Variants in PER1 observed in about 807,000 individuals in gnomAD.
The protein encoded by PER1 is period circadian protein homolog 1.
A neutral mutation model predicts 125.9 loss-of-function variants in PER1; 87 were observed. That is an observed-to-expected ratio of 0.69 (90% CI 0.58 to 0.83). The LOEUF is 0.83. PER1 is among the 40% of genes least tolerant of loss of function. PER1 has a pLI of 0.00. For synonymous variants in PER1, 801 were observed against 714.7 expected, an observed-to-expected ratio of 1.12 and a Z score of -1.93; for missense variants, 1,775 against 1,722.8, an observed-to-expected ratio of 1.03 and a Z score of -0.54.
intron 21 of PER1, 40 bp from the exon 22 acceptor site, chr17:8,141,995 A>G (rs1568022994): frequency 3.1e-6 from 5 of 1,611,036 alleles, no homozygotes; most frequent in Non-Finnish European, 4.2e-6. Context: ...GCTGGGATCC[A>G]GGACCCGGAC....
In PER1 at chr17:8,148,643, C is replaced by G; in HGVS notation, c.1048+1G>C. 6.2e-7 allele frequency: 1 copy of G among 1,601,748 alleles called. No individual in the cohort carries two copies. Among genetic ancestry groups the G allele is most frequent in the Non-Finnish European group, 8.5e-7 (1 of 1,175,416 alleles). On this transcript the variant is annotated splice_donor_variant, in intron 8 of 22. Coordinates refer to ENST00000317276, the MANE Select transcript of PER1 (RefSeq NM_002616.3). LOFTEE classifies it high-confidence loss of function. ...CCAGGCCAGGGCCCTGACCTGCCCA[C>G]CTTCGTAACCCGAATGGATGCGCTC... is the stretch of plus-strand genomic sequence containing the variant.
Position 8,146,228 on chromosome 17 carries a change from T to C in PER1, c.2039-91A>G, listed in dbSNP as rs546141734. The C allele has an allele frequency of 3.4e-5, 52 of 1,529,430 alleles. No homozygotes were observed. In the South Asian group the frequency reaches 6.3e-4, roughly 19 times the overall value. 94.7% of individuals were successfully genotyped at this position (1,529,430 alleles called of 1,614,324 possible). Reference sequence around the variant, plus strand: ...AGGGAAAAGGGGAAGGGGATGGTGGTAGGGAACAGAGGGAACAGTCTGGAG... The same window carrying C: ...AGGGAAAAGGGGAAGGGGATGGTGGCAGGGAACAGAGGGAACAGTCTGGAG... On this transcript the variant is annotated intron_variant, in intron 16 of 22. Coordinates refer to ENST00000317276, the MANE Select transcript of PER1 (RefSeq NM_002616.3).
chr17:8,149,055 G>GAT, intron 7 of PER1: 2 of 616,874 alleles, frequency 3.2e-6, no homozygotes, highest in South Asian at 3.8e-5. Context: ...TGGGCGTGGT[G>GAT]GCGCATGCCT....
chr17:8,149,533 T>C lies in PER1; in HGVS notation c.782A>G (p.Gln261Arg). The C allele has an allele frequency of 6.2e-7, 1 of 1,613,798 alleles. No homozygotes were observed. The highest frequency in any genetic ancestry group is 8.5e-7 in the Non-Finnish European group (1 of 1,179,956). Reference sequence around the variant, plus strand: ...GGAACCATAGAAGACTCCCACATCCTGGGGAGCCAGGAGCTCAGAGAAGCG... The same window carrying C: ...GGAACCATAGAAGACTCCCACATCCCGGGGAGCCAGGAGCTCAGAGAAGCG... Reference protein sequence around the residue: ...GTRFSELLAPQDVGVFYGSTA... With the variant: ...GTRFSELLAPRDVGVFYGSTA... Residue 261 changes from glutamine (Q) to arginine (R), a missense_variant, in exon 6 of 23, where the codon CAG becomes CGG. Transcript: ENST00000317276.
intron 1 of PER1, among the ~76,000 whole-genome samples, chr17:8,151,251 C>T (rs1982845244): frequency 6.6e-6 from 1 of 152,260 alleles, no homozygotes; most frequent in Non-Finnish European, 1.5e-5. Context: ...GTGCCACCCC[C>T]GCTGCACATG....
chr17:8,147,830 G>C lies in PER1; in HGVS notation c.1235-3C>G. 1 of 1,613,746 alleles carries C rather than the reference G, an allele frequency of 6.2e-7. No homozygotes were observed. Among genetic ancestry groups the C allele is most frequent in the Non-Finnish European group, 8.5e-7 (1 of 1,179,962 alleles). ...GGGCTGGCCCGCCAACTGCAGAACT[G>C]ATGGAAGTGGGAAAGGAGGAGCGGT... On this transcript the variant is annotated splice_region_variant and splice_polypyrimidine_tract_variant and intron_variant, in intron 10 of 22. Transcript: ENST00000317276.
chr17:8,147,638 AT>A, intron 11 of PER1, 35 bp downstream of exon 11: 1 of 1,613,706 alleles, frequency 6.2e-7, no homozygotes, highest in Non-Finnish European at 8.5e-7. Flanking sequence ...GCACTGCCCT[AT>A]CCCCAACGCC....
In PER1 at chr17:8,148,521, T is replaced by C. The variant is rs2151861281; in HGVS notation, c.1048+123A>G. On this transcript the variant is annotated intron_variant, in intron 8 of 22. Coordinates refer to ENST00000317276, the MANE Select transcript of PER1 (RefSeq NM_002616.3). ...TAAGAGGAGCTCAAATCCTCATCTT[T>C]ACAATAGCTTTTCTTGTTCCAAAAT... is the stretch of plus-strand genomic sequence containing the variant. 3.2e-6 allele frequency: 4 copies of C among 1,256,700 alleles called. No individual in the cohort carries two copies. In the South Asian group the frequency reaches 5.9e-5, roughly 18 times the overall value. The allele number at this position is 1,256,700 out of a possible 1,614,324, so 77.8% of individuals were successfully genotyped here. A position where few individuals can be genotyped will look rare whatever the true frequency, so the allele number is the denominator to read the frequency against.
chr17:8,143,426 G>A lies in PER1; in HGVS notation c.2912C>T (p.Ser971Phe). 1 of 1,613,076 alleles carries A rather than the reference G, an allele frequency of 6.2e-7. No individual in the cohort carries two copies. The highest frequency in any genetic ancestry group is 1.1e-5 in the South Asian group (1 of 90,914). The change falls in exon 19 of 23, where the codon TCT becomes TTT. Residue 971 changes from serine (S) to phenylalanine (F), a missense_variant. By Grantham distance (155) the Ser-to-Phe change is radical (BLOSUM62 -2). Transcript: ENST00000317276. The stretch of plus-strand genomic sequence containing the variant: ...GCTGCATCTCGAGTTGAACAGTGGA[G>A]AGTCCGGGCGGTGAGGAGGACTCGG... ...LAPSPPHRPD[S>F]PLFNSRCSSP...
Position 8,142,665 on chromosome 17 carries a change from G to A in PER1, c.3243C>T (p.Thr1081=). ...SGSGSHEGGS[T]SASITRSSQS... Reference sequence around the variant, plus strand: ...GGTACTCACGAGTGATGCTGGCTGAGGTGCTGCCCCCTTCATGGGAGCCTG... The same window carrying A: ...GGTACTCACGAGTGATGCTGGCTGAAGTGCTGCCCCCTTCATGGGAGCCTG... The change falls in exon 20 of 23, where the codon ACC becomes ACT. Residue 1081 remains threonine (T), a synonymous_variant. Transcript: ENST00000317276. 1.2e-6 allele frequency: 2 copies of A among 1,613,982 alleles called. No individual in the cohort carries two copies. Among genetic ancestry groups the A allele is most frequent in the Non-Finnish European group, 1.7e-6 (2 of 1,180,000 alleles).
At chr17:8,146,280 G>A in intron 16 of PER1, 92 bp downstream of exon 16, 1 of 1,531,978 alleles carries the variant, frequency 6.5e-7, no homozygotes, top group East Asian at 2.3e-5. Flanking sequence ...GGAGAGCAGG[G>A]CAGAGCAAGA....
At chr17:8,147,208 G>A (rs762482163) in intron 13 of PER1, 42 bp downstream of exon 13, 7 of 1,570,732 alleles carry the variant, frequency 4.5e-6, no homozygotes, top group South Asian at 2.3e-5. Flanking sequence ...GAAGGAGAGG[G>A]GAAAGGGCGA....
Position 8,147,662 on chromosome 17 carries a change from T to C in PER1, c.1388+12A>G, listed in dbSNP as rs755809983. ...TATCCCCAACGCCAGCTCGGGGGCA[T>C]GGCCCACTTACGTGCGTACTTTGTG... is the stretch of plus-strand genomic sequence containing the variant. On this transcript the variant is annotated intron_variant, in intron 11 of 22. Transcript: ENST00000317276. The C allele has an allele frequency of 7.4e-6, 12 of 1,613,782 alleles. No homozygotes were observed. Among genetic ancestry groups the C allele is most frequent in the African/African-American group, 1.3e-5 (1 of 74,916 alleles).
Position 8,150,555 on chromosome 17 carries a change from C to T in PER1, c.152G>A (p.Gly51Asp), listed in dbSNP as rs148151429. ...CCCGTTGGACTCATTGCCACTTGAA[C>T]CATTGCTGTTGGCATCGGTGTCATC... is the stretch of plus-strand genomic sequence containing the variant. Reference protein sequence around the residue: ...LADDTDANSNGSSGNESNGHE... With the variant: ...LADDTDANSNDSSGNESNGHE... Residue 51 changes from glycine (G) to aspartate (D), a missense_variant, in exon 2 of 23, where the codon GGT (glycine) becomes GAT (aspartate). Physicochemically the swap from Gly to Asp is moderately conservative, Grantham distance 94. Transcript: ENST00000317276. 1 of 1,614,138 alleles carries T rather than the reference C, an allele frequency of 6.2e-7. No homozygotes were observed. Among genetic ancestry groups the T allele is most frequent in the African/African-American group, 1.3e-5 (1 of 75,050 alleles).
At chr17:8,144,157 G>T in intron 18 of PER1, 1 of 483,598 alleles carries the variant, frequency 2.1e-6, no homozygotes. Context: ...GCTGGCAGAT[G>T]GAGGAAGCAG....
Position 8,150,690 on chromosome 17 carries a change from T to A in PER1, c.17A>T (p.Glu6Val). 1 of 1,565,942 alleles carries A rather than the reference T, an allele frequency of 6.4e-7. No individual in the cohort carries two copies. The highest frequency in any genetic ancestry group is 1.2e-5 in the South Asian group (1 of 84,694). The change falls in exon 2 of 23, where the codon GAA becomes GTA. Residue 6 changes from glutamate (E) to valine (V), a missense_variant. Coordinates refer to ENST00000317276, the MANE Select transcript of PER1 (RefSeq NM_002616.3). The stretch of plus-strand genomic sequence containing the variant: ...GGGGTCCCCTCCCCCATCAGCCCCT[T>A]CTAGGGGGCCACTCATGTCTGGGCC... MSGPL[E>V]GADGGGDPRP...
In PER1 at chr17:8,151,446, G is replaced by C. The variant is rs554379207; in HGVS notation, c.-139-601C>G. Reference sequence around the variant, plus strand: ...ACTCTCACACTGGTGGGCGCGGCCGGGGGGGTCACGCATCCCTTACATATC... The same window carrying C: ...ACTCTCACACTGGTGGGCGCGGCCGCGGGGGTCACGCATCCCTTACATATC... On this transcript the variant is annotated intron_variant, in intron 1 of 22. Coordinates refer to ENST00000317276, the MANE Select transcript of PER1 (RefSeq NM_002616.3). 1.3e-4 allele frequency among the ~76,000 whole-genome samples: 20 copies of C among 152,220 alleles called. No individual in the cohort carries two copies. In the East Asian group the frequency reaches 1.7e-3, roughly 13 times the overall value.
intron 17 of PER1, among the ~76,000 whole-genome samples, chr17:8,145,600 A>G (rs1412150139): frequency 3.3e-5 from 5 of 152,158 alleles, no homozygotes; most frequent in Non-Finnish European, 5.9e-5. Context: ...CTGGGATTAC[A>G]GGCCTGAGCC....
rs765910222 is a variant in PER1, at chr17:8,145,970, G to A, written c.2206C>T (p.Pro736Ser). 10 of 1,607,014 alleles carry A rather than the reference G, an allele frequency of 6.2e-6. No homozygotes were observed. Among genetic ancestry groups the A allele is most frequent in the Non-Finnish European group, 8.5e-7 (1 of 1,176,386 alleles). The stretch of plus-strand genomic sequence containing the variant: ...TCCACACCCATACCCGACTCCGGGG[G>A]CTTCTTGTCTCCCACATGGACGATG... Reference protein sequence around the residue: ...STIVHVGDKKPPESDIIMMED... With the variant: ...STIVHVGDKKSPESDIIMMED... The change falls in exon 17 of 23, where the codon CCC (proline) becomes TCC (serine). Residue 736 changes from proline (P) to serine (S), a missense_variant. Transcript: ENST00000317276.
Sources: gnomAD v4.1 joint callset for allele counts (sites outside exome capture counted in the v4.1 genomes callset) on GRCh38, gnomAD v4.1.1 for gene constraint, MANE v1.5 for transcripts, NCBI Gene and HGNC (gene_info 2026-07-23, HGNC 2026-07-21) for gene names.